Variants in FGF14 observed in about 807,000 individuals in gnomAD.
The protein encoded by FGF14 is fibroblast growth factor 14.
A neutral mutation model predicts 25.5 loss-of-function variants in FGF14; 5 were observed. That is an observed-to-expected ratio of 0.20 (90% CI 0.10 to 0.41). The LOEUF is 0.41. Among genes scored for constraint, FGF14 ranks in the 10% least tolerant of loss-of-function variants. The pLI, the probability that FGF14 is intolerant of heterozygous loss-of-function variation, is 1.00. For synonymous variants in FGF14, 138 were observed against 118.3 expected, an observed-to-expected ratio of 1.17 and a Z score of -1.08; for missense variants, 222 against 320.1, an observed-to-expected ratio of 0.69 and a Z score of 2.34.
At chr13:102,401,361 C>T (rs1176549883) in intron 1 of FGF14, 1 of 993,970 alleles carries the variant, frequency 1.0e-6, no homozygotes, top group African/African-American at 1.6e-5. Flanking sequence ...TGTCCTGGTT[C>T]CTGGTATGTT....
chr13:102,239,426 G>C (rs1428108209), intron 1 of FGF14, among the ~76,000 whole-genome samples: 1 of 152,124 alleles, frequency 6.6e-6, no homozygotes, highest in Non-Finnish European at 1.5e-5. Flanking sequence ...CAATACTTCT[G>C]GGTTGGGCAT....
intron 1 of FGF14, among the ~76,000 whole-genome samples, chr13:102,326,551 T>C (rs1297651546): frequency 2.0e-5 from 3 of 150,772 alleles, no homozygotes; most frequent in Admixed American, 6.6e-5. Context: ...ATAAGTTGGC[T>C]ATGAAATGGG....
At chr13:101,752,758 C>T (rs753247293) in intron 3 of FGF14, among the ~76,000 whole-genome samples, 1 of 152,116 alleles carries the variant, frequency 6.6e-6, no homozygotes, top group Non-Finnish European at 1.5e-5. Flanking sequence ...ATGACGTTCT[C>T]GCACATAATG....
chr13:102,194,440 C>CG (rs572247404), intron 1 of FGF14, among the ~76,000 whole-genome samples: 6,975 of 151,492 alleles, frequency 0.046, 350 homozygotes, highest in African/African-American at 0.12. Flanking sequence ...CCACTGCCCC[C>CG]CTGACAGGCC....
chr13:102,142,789 C>A (rs1401911065), intron 1 of FGF14, among the ~76,000 whole-genome samples: 2 of 152,144 alleles, frequency 1.3e-5, no homozygotes, highest in African/African-American at 4.8e-5. Flanking sequence ...TGTAGCTTGT[C>A]TTCACTTTAT....
At chr13:101,850,599 T>A (rs1268573142) in intron 3 of FGF14, among the ~76,000 whole-genome samples, 133 of 133,980 alleles carry the variant, frequency 9.9e-4, no homozygotes, top group African/African-American at 3.2e-3. Context: ...TATTATATAA[T>A]TCTATATATA....
At position 101,726,597 on chromosome 13, in the gene FGF14, A is replaced by G; in HGVS notation, c.607+15T>C. ...TAATAAGTCTATGTAATAATAATGC[A>G]TGCATAATACTCACCTTCCAATGGC... On this transcript the variant is annotated intron_variant, in intron 4 of 4. Transcript: ENST00000376143. The G allele has an allele frequency of 3.1e-6, 5 of 1,609,800 alleles. No homozygotes were observed. The highest frequency in any genetic ancestry group is 3.4e-6 in the Non-Finnish European group (4 of 1,176,414).
chr13:102,308,735 C>T (rs144286062), intron 1 of FGF14, among the ~76,000 whole-genome samples: 1 of 151,976 alleles, frequency 6.6e-6, no homozygotes, highest in African/African-American at 2.4e-5. Flanking sequence ...CTGAGTTCTG[C>T]GATTCTGCTC....
chr13:102,240,308 G>A (rs2051532731), intron 1 of FGF14, among the ~76,000 whole-genome samples: 1 of 152,122 alleles, frequency 6.6e-6, no homozygotes, highest in African/African-American at 2.4e-5. Flanking sequence ...CAGTCATTCT[G>A]TTATCTTTGC....
At chr13:102,113,520 G>C (rs994473901) in intron 1 of FGF14, among the ~76,000 whole-genome samples, 1 of 152,118 alleles carries the variant, frequency 6.6e-6, no homozygotes, top group African/African-American at 2.4e-5. Context: ...ACATAATTCA[G>C]TTGTCAATAT....
intron 3 of FGF14, among the ~76,000 whole-genome samples, chr13:101,839,261 CTT>C (rs1476953844): frequency 6.6e-6 from 1 of 152,034 alleles, no homozygotes; most frequent in Non-Finnish European, 1.5e-5. Flanking sequence ...GTTAGGGTCT[CTT>C]TGATTCCTTC....
At chr13:101,990,032 G>A (rs1051885955) in intron 1 of FGF14, among the ~76,000 whole-genome samples, 1 of 151,984 alleles carries the variant, frequency 6.6e-6, no homozygotes, top group Non-Finnish European at 1.5e-5. Context: ...TTTTTGTTTG[G>A]AAATAACTTT....
At chr13:101,981,649 AC>A (rs59746484) in intron 1 of FGF14, among the ~76,000 whole-genome samples, 94,066 of 151,620 alleles carry the variant, frequency 0.62, 29,391 homozygotes, top group East Asian at 0.81. Context: ...TAATTAAAAA[AC>A]AACAACAACA....
intron 1 of FGF14, among the ~76,000 whole-genome samples, chr13:102,163,590 G>A (rs997185875): frequency 6.6e-6 from 1 of 152,142 alleles, no homozygotes; most frequent in Non-Finnish European, 1.5e-5. Context: ...TCTCTGGGGG[G>A]TTCTCAGAGG....
chr13:102,393,461 T>C (rs2058484058), intron 1 of FGF14, among the ~76,000 whole-genome samples: 1 of 152,232 alleles, frequency 6.6e-6, no homozygotes, highest in East Asian at 1.9e-4. Context: ...TAATAAACTC[T>C]GAAAATAATC....
At chr13:101,743,045 C>T (rs1594097361) in intron 3 of FGF14, among the ~76,000 whole-genome samples, 1 of 152,198 alleles carries the variant, frequency 6.6e-6, no homozygotes, top group East Asian at 1.9e-4. Context: ...CCCCTCCCTG[C>T]TTCAAGTTGT....
intron 1 of FGF14, among the ~76,000 whole-genome samples, chr13:102,326,693 G>GGGAGGGAAGGAAGGAA (rs2056445744): frequency 1.7e-4 from 5 of 29,344 alleles, no homozygotes; most frequent in Non-Finnish European, 3.1e-4. Flanking sequence ...GGGAAGGGAA[G>GGGAGGGAAGGAAGGAA]GGAAGGAAGG....
intron 1 of FGF14, among the ~76,000 whole-genome samples, chr13:102,354,739 T>C (rs1272147731): frequency 1.3e-5 from 2 of 152,216 alleles, no homozygotes; most frequent in Non-Finnish European, 2.9e-5. Flanking sequence ...CTATCTCAGA[T>C]ACTTTTGGTT....
intron 1 of FGF14, among the ~76,000 whole-genome samples, chr13:102,087,147 A>C (rs2140226992): frequency 6.6e-6 from 1 of 152,336 alleles, no homozygotes; most frequent in East Asian, 1.9e-4. Flanking sequence ...AATAGGTCAC[A>C]GGACTGATAT....
Sources: gnomAD v4.1 joint callset for allele counts (sites outside exome capture counted in the v4.1 genomes callset) on GRCh38, gnomAD v4.1.1 for gene constraint, MANE v1.5 for transcripts, NCBI Gene and HGNC (gene_info 2026-07-23, HGNC 2026-07-21) for gene names.